CELSR1: variants seen among roughly 807,000 people sequenced by gnomAD.
CELSR1 encodes the protein cadherin EGF LAG seven-pass G-type receptor 1, also known as adhesion G protein-coupled receptor C1.
Under a neutral mutation model 249.1 loss-of-function variants are expected in CELSR1, and 110 were observed. The observed-to-expected ratio is 0.44, with a 90% CI of 0.38 to 0.52. CELSR1 has a LOEUF of 0.52. Among genes scored for constraint, CELSR1 ranks in the 20% least tolerant of loss-of-function variants. The probability of loss-of-function intolerance (pLI) is 0.00; values close to 1 mark genes in which losing one functional copy is unlikely to be tolerated. For missense variants in CELSR1, 4,109 were observed against 4,296.4 expected (o/e 0.96, Z 1.22); for synonymous variants, 2,113 against 1,900.0 (o/e 1.11, Z -2.92).
intron 2 of CELSR1, among the ~76,000 whole-genome samples, chr22:46,453,835 C>T (rs1406670707): frequency 2.0e-5 from 3 of 152,136 alleles, no homozygotes; most frequent in African/African-American, 7.2e-5. Flanking sequence ...CTGCTCACTA[C>T]GCATGCCTTC....
At chr22:46,482,810 G>A (rs2080279139) in intron 1 of CELSR1, among the ~76,000 whole-genome samples, 1 of 152,150 alleles carries the variant, frequency 6.6e-6, no homozygotes. Context: ...GAATAGCCAA[G>A]GCATCCCTGG....
chr22:46,452,309 C>T (rs1228128288), intron 2 of CELSR1, among the ~76,000 whole-genome samples: 2 of 152,190 alleles, frequency 1.3e-5, no homozygotes, highest in Non-Finnish European at 2.9e-5. Flanking sequence ...TAAAACACTC[C>T]TTGTTTGCCA....
At chr22:46,400,045 G>T in intron 9 of CELSR1, 143 bp from the exon 10 acceptor site, 2 of 861,944 alleles carry the variant, frequency 2.3e-6, no homozygotes, top group Non-Finnish European at 3.5e-6. Flanking sequence ...ATTAGGCAAA[G>T]TTGGCCAGGT....
In CELSR1 at chr22:46,506,488, G is replaced by A. The variant is rs371588257; in HGVS notation, c.3544+27139C>T. On this transcript the variant is annotated intron_variant, in intron 1 of 34. Transcript: ENST00000674500. The surrounding 1 kb of genome is among the most constrained non-coding windows in gnomAD (Gnocchi z 4.1). ...AGTCCAGCAAGAGTCCAGCCCAACC[G>A]GCCCTGCCTCAGGTCTGCGTTCTGC... Among the ~76,000 whole-genome samples the A allele has an allele frequency of 4.6e-5, 7 of 152,076 alleles. No homozygotes were observed. Among genetic ancestry groups the A allele is most frequent in the South Asian group, 4.1e-4 (2 of 4,828 alleles).
chr22:46,384,098 C>A (rs1214697401), intron 20 of CELSR1, among the ~76,000 whole-genome samples: 1 of 152,026 alleles, frequency 6.6e-6, no homozygotes, highest in Non-Finnish European at 1.5e-5. Context: ...CCGCAGCTGG[C>A]TATTTTTTGT....
chr22:46,504,393 A>G (rs2080493823), intron 1 of CELSR1, among the ~76,000 whole-genome samples: 1 of 151,658 alleles, frequency 6.6e-6, no homozygotes. Context: ...AGGCACCTGT[A>G]GTCCCAACCA....
At position 46,365,320 on chromosome 22, in the gene CELSR1, G is replaced by A. The variant is rs564778741; in HGVS notation, c.8465C>T (p.Ser2822Phe). The A allele has an allele frequency of 6.2e-7, 1 of 1,612,998 alleles. No individual in the cohort carries two copies. The highest frequency in any genetic ancestry group is 1.3e-5 in the African/African-American group (1 of 75,078). The change falls in exon 32 of 35, where the codon TCC becomes TTC. Residue 2822 changes from serine to phenylalanine, a missense_variant. Physicochemically the swap from Ser to Phe is radical, Grantham distance 155. Transcript: ENST00000674500. ...GTCCTCGCTGTCTGACGAGTGTGAGGAGGCGTAAGAGCTGCTCTGCTCATC... is the reference window on the plus strand; with the variant it reads ...GTCCTCGCTGTCTGACGAGTGTGAGAAGGCGTAAGAGCTGCTCTGCTCATC... ...SLDEQSSSYA[S>F]SHSSDSEDDG...
rs1169597653 is a variant in CELSR1 at position 46,363,304 on chromosome 22, G to A, written c.9036-57C>T. On this transcript the variant is annotated intron_variant, in intron 34 of 34. Transcript: ENST00000674500. The surrounding 1 kb of genome is among the most constrained non-coding windows in gnomAD (Gnocchi z 4.3). Reference sequence around the variant, plus strand: ...AAGGGTCAGTGAGGGTAGCGGCTTGGTGGGGCCCAAGGTTGTCACACGGGG... The same window carrying A: ...AAGGGTCAGTGAGGGTAGCGGCTTGATGGGGCCCAAGGTTGTCACACGGGG... 18 of 1,499,452 alleles carry A rather than the reference G, an allele frequency of 1.2e-5. No homozygotes were observed. Among genetic ancestry groups the A allele is most frequent in the Middle Eastern group, 1.7e-4 (1 of 5,782 alleles). The allele number at this position is 1,499,452 out of a possible 1,614,324, so 92.9% of individuals were successfully genotyped here. A position where few individuals can be genotyped will look rare whatever the true frequency, so the allele number is the denominator to read the frequency against.
intron 1 of CELSR1, among the ~76,000 whole-genome samples, chr22:46,524,979 T>C (rs1392336264): frequency 6.6e-6 from 1 of 151,848 alleles, no homozygotes; most frequent in Non-Finnish European, 1.5e-5. Context: ...ATTCCAGAAA[T>C]AATCCACACC....
rs1418847756 is a variant in CELSR1, at chr22:46,488,885, T to C, written c.3545-24540A>G. ...CGTGTTAGCCAGGATGGTCTCGATC[T>C]CCTGACCTCATGATCCGCCTGCCTC... is the stretch of plus-strand genomic sequence containing the variant. On this transcript the variant is annotated intron_variant, in intron 1 of 34. Transcript: ENST00000674500. This position sits in a 1 kb window ranked among gnomAD's most constrained non-coding sequence, Gnocchi z 4.7. Among the ~76,000 whole-genome samples, 2 of 151,918 alleles carry C rather than the reference T, an allele frequency of 1.3e-5. No individual in the cohort carries two copies. Among genetic ancestry groups the C allele is most frequent in the Non-Finnish European group, 2.9e-5 (2 of 67,994 alleles).
Position 46,536,043 on chromosome 22 carries a change from G to A in CELSR1, c.1128C>T (p.Arg376=), listed in dbSNP as rs759899852. 3.7e-6 allele frequency: 6 copies of A among 1,610,420 alleles called. No homozygotes were observed. The highest frequency in any genetic ancestry group is 2.2e-5 in the East Asian group (1 of 44,894). The change falls in exon 1 of 35, where the codon CGC becomes CGT. Residue 376 remains arginine, a synonymous_variant. Coordinates refer to ENST00000674500, the MANE Select transcript of CELSR1 (RefSeq NM_001378328.1). ...LEVGYEVLTI[R]ASDRDSPINA... ...TGATGGGCGAGTCGCGGTCGCTGGCGCGGATGGTCAGCACCTCGTAGCCCA... is the reference window on the plus strand; with the variant it reads ...TGATGGGCGAGTCGCGGTCGCTGGCACGGATGGTCAGCACCTCGTAGCCCA...
intron 1 of CELSR1, among the ~76,000 whole-genome samples, chr22:46,523,469 A>G (rs2080705753): frequency 6.6e-6 from 1 of 152,036 alleles, no homozygotes; most frequent in African/African-American, 2.4e-5. Context: ...CGGAGGTTGC[A>G]GTGGGCTGAG....
intron 2 of CELSR1, among the ~76,000 whole-genome samples, chr22:46,458,628 G>C (rs2079984103): frequency 6.6e-6 from 1 of 152,190 alleles, no homozygotes; most frequent in African/African-American, 2.4e-5. Context: ...ACACCCTCCA[G>C]GGGACCAGAG....
rs1167702658 is a variant in CELSR1 at position 46,474,516 on chromosome 22, G to T, written c.3545-10171C>A. On this transcript the variant is annotated intron_variant, in intron 1 of 34. Coordinates refer to ENST00000674500, the MANE Select transcript of CELSR1 (RefSeq NM_001378328.1). Reference sequence around the variant, plus strand: ...CCTGGTCCTGACCCCTAGACATTGTGTAAAACTCAAATAAGTGTATTTAAT... The same window carrying T: ...CCTGGTCCTGACCCCTAGACATTGTTTAAAACTCAAATAAGTGTATTTAAT... Among the ~76,000 whole-genome samples the T allele has an allele frequency of 1.2e-4, 19 of 152,172 alleles. No homozygotes were observed. The East Asian group carries it at 3.7e-3, about 29-fold the overall frequency.
At position 46,518,092 on chromosome 22, in the gene CELSR1, A is replaced by T. The variant is rs1371713147; in HGVS notation, c.3544+15535T>A. Among the ~76,000 whole-genome samples the T allele has an allele frequency of 1.3e-5, 2 of 151,872 alleles. No homozygotes were observed. The highest frequency in any genetic ancestry group is 2.9e-5 in the Non-Finnish European group (2 of 67,978). ...TAATTTTTTTGTGTTTTTAGTAGAG[A>T]TGGGGTTTCTCCATGTTGGTCAGGC... On this transcript the variant is annotated intron_variant, in intron 1 of 34. Transcript: ENST00000674500. The surrounding 1 kb of genome is among the most constrained non-coding windows in gnomAD (Gnocchi z 5.2).
In CELSR1 at chr22:46,450,410, T is replaced by C. The variant is rs563818594; in HGVS notation, c.4184-10999A>G. On this transcript the variant is annotated intron_variant, in intron 2 of 34. Coordinates refer to ENST00000674500, the MANE Select transcript of CELSR1 (RefSeq NM_001378328.1). ...TCCCTGACCCTGGGTATCCCCAGGTTCACATTTGGGGATGAGAACATGAGC... is the reference window on the plus strand; with the variant it reads ...TCCCTGACCCTGGGTATCCCCAGGTCCACATTTGGGGATGAGAACATGAGC... Among the ~76,000 whole-genome samples the C allele has an allele frequency of 9.2e-5, 14 of 152,322 alleles. No homozygotes were observed. In the South Asian group the frequency reaches 2.9e-3, roughly 32 times the overall value.
At position 46,389,360 on chromosome 22, in the gene CELSR1, T is replaced by A; in HGVS notation, c.6485A>T (p.His2162Leu). ...DVRTAYQLLG[H>L]VLQHESWQQG... ...CTGCCAGCTCTCGTGCTGAAGGACGTGGCCCAGCAGCTGGTAGGCCGTGCG... is the reference window on the plus strand; with the variant it reads ...CTGCCAGCTCTCGTGCTGAAGGACGAGGCCCAGCAGCTGGTAGGCCGTGCG... Residue 2162 changes from histidine (H) to leucine (L), a missense_variant, in exon 18 of 35, where the codon CAC becomes CTC. This residue lies in a region of CELSR1 where 1,805 missense variants were observed against 1,831.6 expected (regional missense o/e 0.99). Transcript: ENST00000674500. 6.2e-7 allele frequency: 1 copy of A among 1,611,092 alleles called. No individual in the cohort carries two copies. Among genetic ancestry groups the A allele is most frequent in the South Asian group, 1.1e-5 (1 of 91,042 alleles).
chr22:46,377,554 G>A lies in CELSR1; in HGVS notation c.7384-293C>T, dbSNP rs111660765. On this transcript the variant is annotated intron_variant, in intron 23 of 34. Coordinates refer to ENST00000674500, the MANE Select transcript of CELSR1 (RefSeq NM_001378328.1). ...TCTGGCTTTGGGGCGCCCAGGCCAT[G>A]GGAGCCTCGGACTCTCACTCCAGCC... The A allele has an allele frequency of 6.4e-3, 2,897 of 449,542 alleles. 55 individuals are homozygous for A. Among genetic ancestry groups the A allele is most frequent in the African/African-American group, 0.05 (2,552 of 50,900 alleles). 27.8% of individuals were successfully genotyped at this position (449,542 alleles called of 1,614,324 possible).
chr22:46,460,207 A>ACCCC (rs1418039389), intron 2 of CELSR1, among the ~76,000 whole-genome samples: 3 of 91,306 alleles, frequency 3.3e-5, no homozygotes, highest in Admixed American at 1.1e-4. Context: ...ACACACACAC[A>ACCCC]CACACACACC....
Sources: gnomAD v4.1 joint callset for allele counts (sites outside exome capture counted in the v4.1 genomes callset) on GRCh38, gnomAD v4.1.1 for gene constraint, gnomAD v4.1.1 regional missense constraint, Gnocchi (gnomAD v3.1) non-coding constraint, MANE v1.5 for transcripts, NCBI Gene and HGNC (gene_info 2026-07-23, HGNC 2026-07-21) for gene names.